Variants in THRB observed in about 807,000 individuals in gnomAD.
THRB encodes the protein nuclear receptor subfamily 1 group A member 2.
A neutral mutation model predicts 47.8 loss-of-function variants in THRB; 12 were observed. The ratio of observed to expected loss-of-function variants is 0.25; its 90% confidence interval spans 0.16 to 0.41. The LOEUF is 0.41. Ranked by LOEUF, THRB falls within the 10% of genes least tolerant of loss-of-function variation. The probability of loss-of-function intolerance (pLI) is 1.00; values close to 1 mark genes in which losing one functional copy is unlikely to be tolerated. For synonymous variants in THRB, 218 were observed against 212.2 expected (o/e 1.03, Z -0.24); for missense variants, 348 against 589.2 (o/e 0.59, Z 4.24).
intron 3 of THRB, among the ~76,000 whole-genome samples, chr3:24,230,214 C>T (rs946404794): frequency 1.3e-5 from 2 of 152,210 alleles, no homozygotes; most frequent in Non-Finnish European, 2.9e-5. Flanking sequence ...GACTTCAAAC[C>T]TTGATCATAC....
At chr3:24,327,258 C>T (rs909293153) in intron 2 of THRB, among the ~76,000 whole-genome samples, 1 of 145,980 alleles carries the variant, frequency 6.9e-6, no homozygotes, top group Non-Finnish European at 1.5e-5. Flanking sequence ...TGCTCAGGGA[C>T]CCCCCCCACC....
intron 1 of THRB, chr3:24,494,089 T>C (rs1266453120): frequency 6.6e-6 from 1 of 152,664 alleles, no homozygotes; most frequent in Non-Finnish European, 1.5e-5. Flanking sequence ...AGAAGCCCAG[T>C]CGCCAGGCAC....
intron 1 of THRB, among the ~76,000 whole-genome samples, chr3:24,366,874 C>T (rs569338403): frequency 1.3e-5 from 2 of 151,992 alleles, no homozygotes; most frequent in Admixed American, 6.6e-5. Context: ...CCACCCACTT[C>T]GGCCTCCCAA....
In THRB at chr3:24,455,832, T is replaced by C. The variant is rs147109904; in HGVS notation, c.-261+38820A>G. ...CGTCTGGCTGATGACAAGAAATGCATGTGTCCATGCTCAGTGTTGGTTTAG... is the reference window on the plus strand; with the variant it reads ...CGTCTGGCTGATGACAAGAAATGCACGTGTCCATGCTCAGTGTTGGTTTAG... On this transcript the variant is annotated intron_variant, in intron 1 of 10. Coordinates refer to ENST00000646209, the MANE Select transcript of THRB (RefSeq NM_001354712.2). Among the ~76,000 whole-genome samples the C allele has an allele frequency of 1.6e-4, 24 of 152,300 alleles. 1 individual carries two copies. Among genetic ancestry groups the C allele is most frequent in the African/African-American group, 5.8e-4 (24 of 41,570 alleles).
chr3:24,140,015 G>C (rs562918876), intron 8 of THRB, among the ~76,000 whole-genome samples: 1 of 152,288 alleles, frequency 6.6e-6, no homozygotes, highest in East Asian at 1.9e-4. Context: ...AAGCCTGTTT[G>C]GTACATGATA....
chr3:24,169,699 T>C (rs1157988082), intron 5 of THRB, among the ~76,000 whole-genome samples: 4 of 147,966 alleles, frequency 2.7e-5, no homozygotes, highest in South Asian at 4.2e-4. Flanking sequence ...TATATATATA[T>C]TATAATATAT....
chr3:24,427,919 T>G (rs2069934615), intron 1 of THRB, among the ~76,000 whole-genome samples: 1 of 152,002 alleles, frequency 6.6e-6, no homozygotes, highest in Non-Finnish European at 1.5e-5. Flanking sequence ...ATTTGAAAAT[T>G]TCCATTAATT....
At chr3:24,407,448 G>C (rs1322198038) in intron 1 of THRB, among the ~76,000 whole-genome samples, 1 of 151,800 alleles carries the variant, frequency 6.6e-6, no homozygotes, top group African/African-American at 2.4e-5. Context: ...CCTACCAGCT[G>C]ACACTGCACT....
At chr3:24,370,551 T>A (rs2064830220) in intron 1 of THRB, among the ~76,000 whole-genome samples, 1 of 151,944 alleles carries the variant, frequency 6.6e-6, no homozygotes, top group African/African-American at 2.4e-5. Flanking sequence ...AAGGAGATAA[T>A]CATCTATGGA....
At chr3:24,366,578 T>C (rs1378245240) in intron 1 of THRB, among the ~76,000 whole-genome samples, 3 of 152,074 alleles carry the variant, frequency 2.0e-5, no homozygotes, top group African/African-American at 4.8e-5. Flanking sequence ...GGTTTTCTGA[T>C]TTCAAATCCA....
chr3:24,456,759 A>G (rs2125599806), intron 1 of THRB, among the ~76,000 whole-genome samples: 1 of 152,064 alleles, frequency 6.6e-6, no homozygotes, highest in East Asian at 1.9e-4. Flanking sequence ...AGTATACAAT[A>G]TCTTATACAC....
At chr3:24,386,605 A>G (rs1412162424) in intron 1 of THRB, among the ~76,000 whole-genome samples, 1 of 151,950 alleles carries the variant, frequency 6.6e-6, no homozygotes, top group Non-Finnish European at 1.5e-5. Context: ...ATTTCCTCAA[A>G]CTCAAAACAT....
intron 4 of THRB, among the ~76,000 whole-genome samples, chr3:24,227,154 T>A (rs1480217060): frequency 6.6e-6 from 1 of 152,204 alleles, no homozygotes; most frequent in Non-Finnish European, 1.5e-5. Context: ...GTGGGCAAAT[T>A]ATCATGGAGT....
intron 1 of THRB, among the ~76,000 whole-genome samples, chr3:24,367,261 C>T (rs536744027): frequency 1.1e-4 from 16 of 152,218 alleles, no homozygotes; most frequent in African/African-American, 3.6e-4. Context: ...GGCAAGAGAT[C>T]GGGGAAGCCT....
At chr3:24,397,496 G>A (rs1577309862) in intron 1 of THRB, among the ~76,000 whole-genome samples, 1 of 151,890 alleles carries the variant, frequency 6.6e-6, no homozygotes, top group Non-Finnish European at 1.5e-5. Context: ...TGTAAGCCAA[G>A]AAGCCATATG....
chr3:24,281,061 C>A (rs1022339121), intron 3 of THRB, among the ~76,000 whole-genome samples: 1 of 151,900 alleles, frequency 6.6e-6, no homozygotes, highest in Non-Finnish European at 1.5e-5. Context: ...GGCAGGCCAA[C>A]GTTCAGATTC....
At chr3:24,255,927 A>G (rs1465994316) in intron 3 of THRB, among the ~76,000 whole-genome samples, 4 of 152,242 alleles carry the variant, frequency 2.6e-5, no homozygotes, top group Non-Finnish European at 5.9e-5. Context: ...GGAAGCCTTC[A>G]TTGTCATATA....
At chr3:24,224,945 C>T (rs1222208071) in intron 4 of THRB, among the ~76,000 whole-genome samples, 1 of 152,078 alleles carries the variant, frequency 6.6e-6, no homozygotes. Context: ...CGCATCTCAG[C>T]CTAAATTGCC....
At chr3:24,148,461 C>T (rs945597339) in intron 6 of THRB, among the ~76,000 whole-genome samples, 2 of 152,088 alleles carry the variant, frequency 1.3e-5, no homozygotes, top group African/African-American at 2.4e-5. Flanking sequence ...GCGTTTTTGC[C>T]ATATTGGCCA....
Sources: allele counts gnomAD v4.1 joint callset (sites outside exome capture counted in the v4.1 genomes callset), GRCh38; gene constraint gnomAD v4.1.1; transcripts MANE v1.5; gene names NCBI Gene and HGNC (gene_info 2026-07-23, HGNC 2026-07-21).